Variants in MLIP observed in about 807,000 individuals in gnomAD.
MLIP encodes the protein muscular LMNA interacting protein.
Under a neutral mutation model 84.8 loss-of-function variants are expected in MLIP, and 79 were observed. The ratio of observed to expected loss-of-function variants is 0.93; its 90% CI spans 0.78 to 1.12. The LOEUF is 1.12. MLIP is among the 50% of genes most tolerant of loss of function. The pLI is 0.00. For missense variants in MLIP, 1,257 were observed against 1,160.6 expected (o/e 1.08, Z -1.21); for synonymous variants, 504 against 463.0 (o/e 1.09, Z -1.14).
chr6:54,084,883 C>T (rs1211853836), intron 1 of MLIP, among the ~76,000 whole-genome samples: 1 of 152,188 alleles, frequency 6.6e-6, no homozygotes, highest in African/African-American at 2.4e-5. Context: ...CATTTACTTT[C>T]TGTCTAAAAG....
intron 1 of MLIP, among the ~76,000 whole-genome samples, chr6:54,031,142 A>C (rs898309511): frequency 6.6e-6 from 1 of 152,142 alleles, no homozygotes; most frequent in Non-Finnish European, 1.5e-5. Context: ...TTAACAACCC[A>C]AATAAAGGCA....
At chr6:54,117,900 G>T (rs1281302030) in intron 1 of MLIP, among the ~76,000 whole-genome samples, 1 of 151,990 alleles carries the variant, frequency 6.6e-6, no homozygotes, top group African/African-American at 2.4e-5. Context: ...AGCCGAGATC[G>T]TGCCACTGCA....
intron 12 of MLIP, among the ~76,000 whole-genome samples, chr6:54,252,084 T>C (rs1186473853): frequency 3.7e-5 from 3 of 81,174 alleles, no homozygotes; most frequent in Admixed American, 2.0e-4. Flanking sequence ...TAATATATAA[T>C]ATAAATATAT....
intron 1 of MLIP, among the ~76,000 whole-genome samples, chr6:54,029,845 G>A (rs952412945): frequency 1.3e-5 from 2 of 152,066 alleles, no homozygotes; most frequent in African/African-American, 2.4e-5. Context: ...GTTAAATGCT[G>A]GGATGCGGTG....
In MLIP at chr6:54,106,017, T is replaced by C. The variant is rs112965853; in HGVS notation, c.64-15430T>C. Among the ~76,000 whole-genome samples, 72 of 152,262 alleles carry C rather than the reference T, an allele frequency of 4.7e-4. 3 individuals carry two copies. The highest frequency in any genetic ancestry group is 1.7e-3 in the African/African-American group (71 of 41,550). The stretch of plus-strand genomic sequence containing the variant: ...TACTCTTGCTGCTATATGGAAGATA[T>C]GCAGATTGGGTTCCCAGGAAGCAGG... On this transcript the variant is annotated intron_variant, in intron 1 of 12. Transcript: ENST00000274897.
intron 1 of MLIP, among the ~76,000 whole-genome samples, chr6:54,070,615 G>A (rs1167498317): frequency 6.6e-6 from 1 of 152,056 alleles, no homozygotes; most frequent in Non-Finnish European, 1.5e-5. Context: ...GGTTGCCCAG[G>A]TCAAAGAGAA....
intron 1 of MLIP, among the ~76,000 whole-genome samples, chr6:54,069,308 G>A (rs1487040371): frequency 9.9e-6 from 1 of 101,196 alleles, no homozygotes; most frequent in East Asian, 2.6e-4. Context: ...CAATAAAATG[G>A]ATTAATCTTT....
intron 3 of MLIP, among the ~76,000 whole-genome samples, chr6:54,130,347 G>A (rs1438782945): frequency 6.6e-6 from 1 of 152,122 alleles, no homozygotes; most frequent in African/African-American, 2.4e-5. Context: ...ACTTGTTGAT[G>A]TCAGAACTTG....
intron 9 of MLIP, among the ~76,000 whole-genome samples, chr6:54,188,895 C>A (rs1383222729): frequency 6.6e-6 from 1 of 152,142 alleles, no homozygotes; most frequent in African/African-American, 2.4e-5. Flanking sequence ...GAAGATCCTC[C>A]AAGTTACAAC....
At chr6:54,084,536 G>A (rs1414020877) in intron 1 of MLIP, among the ~76,000 whole-genome samples, 1 of 152,156 alleles carries the variant, frequency 6.6e-6, no homozygotes, top group African/African-American at 2.4e-5. Context: ...GCATTCCAGA[G>A]TGACTTAATT....
rs1240055351 is a variant in MLIP, at chr6:54,069,928, A to G, written c.63+50837A>G. ...CTAATTCTTTGTAAAGTTACAGTGA[A>G]AACAACCTGGAAAAATATGGAGTGG... On this transcript the variant is annotated intron_variant, in intron 1 of 12. Transcript: ENST00000274897. Among the ~76,000 whole-genome samples, 5 of 61,736 alleles carry G rather than the reference A, an allele frequency of 8.1e-5. 2 individuals carry two copies. In the East Asian group the frequency reaches 1.4e-3, roughly 17 times the overall value. 40.5% of individuals were successfully genotyped at this position (61,736 alleles called of 152,430 possible).
intron 4 of MLIP, among the ~76,000 whole-genome samples, chr6:54,142,102 A>G: frequency 6.6e-6 from 1 of 152,248 alleles, no homozygotes; most frequent in East Asian, 1.9e-4. Context: ...GAAAATGAGC[A>G]ATATGGAATG....
At chr6:54,186,461 T>C (rs1777402247) in intron 9 of MLIP, among the ~76,000 whole-genome samples, 1 of 152,202 alleles carries the variant, frequency 6.6e-6, no homozygotes, top group Non-Finnish European at 1.5e-5. Context: ...TCCAAGTTTG[T>C]ATTAGCCCAT....
chr6:54,035,247 G>C (rs1220890078), intron 1 of MLIP, among the ~76,000 whole-genome samples: 1 of 151,982 alleles, frequency 6.6e-6, no homozygotes, highest in Non-Finnish European at 1.5e-5. Context: ...GGCTTTTTTT[G>C]ACTTAGCATC....
At chr6:54,110,830 C>A (rs533919013), upstream of MLIP, among the ~76,000 whole-genome samples, 1 of 152,174 alleles carries the variant, frequency 6.6e-6, no homozygotes, top group Non-Finnish European at 1.5e-5. Flanking sequence ...TCACTGTCTT[C>A]CAGGAACCTT....
Position 54,111,467 on chromosome 6 carries a change from A to G in MLIP, c.-13A>G, listed in dbSNP as rs1303232260. ...CAGTCATTGGTTTGCTCGCTCCCTT[A>G]TGTGATGAATCAATGCTTTCAGAAC... On this transcript the variant is annotated 5_prime_UTR_variant, in exon 1 of 14. An upstream start codon of the reference 5' UTR is lost. Transcript: ENST00000502396. 4 of 1,535,754 alleles carry G rather than the reference A, an allele frequency of 2.6e-6. No homozygotes were observed. The highest frequency in any genetic ancestry group is 2.4e-5 in the East Asian group (1 of 40,910).
At chr6:54,240,906 G>A (rs1413593140) in intron 12 of MLIP, among the ~76,000 whole-genome samples, 1 of 152,100 alleles carries the variant, frequency 6.6e-6, no homozygotes, top group Non-Finnish European at 1.5e-5. Context: ...AACCCAGGAG[G>A]TGGAGGTTGC....
intron 1 of MLIP, among the ~76,000 whole-genome samples, chr6:54,087,192 T>C (rs13199742): frequency 0.058 from 8,802 of 152,236 alleles, 272 homozygotes; most frequent in South Asian, 0.091. Flanking sequence ...TCTGGAAGTC[T>C]ATTCTAATAT....
chr6:54,103,906 A>G lies in MLIP; in HGVS notation c.64-17541A>G, dbSNP rs553913347. Among the ~76,000 whole-genome samples, 9 of 152,258 alleles carry G rather than the reference A, an allele frequency of 5.9e-5. No individual in the cohort carries two copies. The South Asian group carries it at 1.9e-3, about 32-fold the overall frequency. On this transcript the variant is annotated intron_variant, in intron 1 of 12. Coordinates refer to the MLIP transcript ENST00000274897. ...TGACTCTAATGACAAAACATTGGCTATCATTGTTCTTTTCTATTATATGAT... is the reference window on the plus strand; with the variant it reads ...TGACTCTAATGACAAAACATTGGCTGTCATTGTTCTTTTCTATTATATGAT...
Sources: allele counts gnomAD v4.1 joint callset (sites outside exome capture counted in the v4.1 genomes callset), GRCh38; gene constraint gnomAD v4.1.1; transcripts MANE v1.5; gene names NCBI Gene and HGNC (gene_info 2026-07-23, HGNC 2026-07-21).